RABEP2: variants seen among roughly 807,000 people sequenced by gnomAD.
The protein encoded by RABEP2 is rab GTPase-binding effector protein 2.
Under a neutral mutation model 74.1 loss-of-function variants are expected in RABEP2, and 57 were observed. That is an observed-to-expected ratio of 0.77 (90% confidence interval 0.62 to 0.96). The LOEUF (loss-of-function observed/expected upper bound fraction) is 0.96. RABEP2 is among the 40% of genes least tolerant of loss of function. The pLI is 0.00. For missense variants in RABEP2, 692 were observed against 756.3 expected, an observed-to-expected ratio of 0.91 and a Z score of 1.00; for synonymous variants, 351 against 344.0, an observed-to-expected ratio of 1.02 and a Z score of -0.23.
At chr16:28,916,442 C>T (rs1255437895) in intron 3 of RABEP2, among the ~76,000 whole-genome samples, 3 of 150,396 alleles carry the variant, frequency 2.0e-5, no homozygotes, top group African/African-American at 4.9e-5. Context: ...GAGGCCAAGG[C>T]GGGCAGATCA....
Position 28,920,031 on chromosome 16 carries a change from CTCTT to C in RABEP2, c.275-92_275-89del. On this transcript the variant is annotated intron_variant, in intron 2 of 12. Transcript: ENST00000358201. ...GAGCAGGGGACTCTTGATGCACTGACTCTTTCTGTGAGACAATCTACCATAGCAG... is the reference window on the plus strand; with the variant it reads ...GAGCAGGGGACTCTTGATGCACTGACTCTGTGAGACAATCTACCATAGCAG... The C allele has an allele frequency of 5.1e-6, 7 of 1,376,148 alleles. No homozygotes were observed. In the South Asian group the frequency reaches 9.1e-5, roughly 18 times the overall value. 85.2% of individuals were successfully genotyped at this position (1,376,148 alleles called of 1,614,324 possible). A position where few individuals can be genotyped will look rare whatever the true frequency, so the allele number is the denominator to read the frequency against.
chr16:28,913,668 G>C (rs904741887), intron 5 of RABEP2, among the ~76,000 whole-genome samples: 1 of 151,564 alleles, frequency 6.6e-6, no homozygotes, highest in African/African-American at 2.4e-5. Flanking sequence ...TTTTAGATGG[G>C]GTTTCACCAT....
chr16:28,914,093 T>A (rs1964350837), intron 5 of RABEP2, 143 bp downstream of exon 5: 2 of 682,654 alleles, frequency 2.9e-6, no homozygotes, highest in African/African-American at 3.6e-5. Context: ...TGTTTACATC[T>A]GCCTGCCTTC....
chr16:28,919,938 T>C lies in RABEP2; in HGVS notation c.280A>G (p.Ile94Val), dbSNP rs1964447107. Residue 94 changes from isoleucine to valine, a missense_variant, in exon 3 of 13, where the codon ATC becomes GTC. Physicochemically the swap from Ile to Val is conservative, Grantham distance 29 (BLOSUM62 3). Transcript: ENST00000358201. The part of the protein sequence containing the change: ...ASLQAILKDS[I>V]SSYEAQITAL... ...GTGATCTGGGCTTCATAGCTGCTGATGGAGTCTGGTGGGGGAGAGGGAGGG... is the reference window on the plus strand; with the variant it reads ...GTGATCTGGGCTTCATAGCTGCTGACGGAGTCTGGTGGGGGAGAGGGAGGG... 5 of 1,211,388 alleles carry C rather than the reference T, an allele frequency of 4.1e-6. No homozygotes were observed. The highest frequency in any genetic ancestry group is 3.3e-5 in the African/African-American group (2 of 61,246). 75.0% of individuals were successfully genotyped at this position (1,211,388 alleles called of 1,614,324 possible).
At position 28,905,389 on chromosome 16, in the gene RABEP2, G is replaced by T; in HGVS notation, c.1608+8C>A. Reference sequence around the variant, plus strand: ...CAGCCAGCCTGGCGGGGCTGGGACAGGCCATACCTGCAGGGCCTGGGACAG... The same window carrying T: ...CAGCCAGCCTGGCGGGGCTGGGACATGCCATACCTGCAGGGCCTGGGACAG... On this transcript the variant is annotated splice_region_variant and intron_variant, in intron 12 of 12. Transcript: ENST00000358201. The T allele has an allele frequency of 6.3e-7, 1 of 1,598,188 alleles. No homozygotes were observed. Among genetic ancestry groups the T allele is most frequent in the Non-Finnish European group, 8.5e-7 (1 of 1,170,944 alleles).
At chr16:28,923,947 C>T (rs1303628935) in intron 2 of RABEP2, 16 of 158,538 alleles carry the variant, frequency 1.0e-4, no homozygotes, top group African/African-American at 3.9e-4. Context: ...GAACGTGGGG[C>T]GGAGGTGGGG....
At chr16:28,909,030 C>T (rs1567495797) in intron 7 of RABEP2, among the ~76,000 whole-genome samples, 1 of 149,744 alleles carries the variant, frequency 6.7e-6, no homozygotes, top group Admixed American at 6.7e-5. Context: ...TATACACATA[C>T]ACACACACAC....
intron 8 of RABEP2, among the ~76,000 whole-genome samples, chr16:28,907,867 T>G (rs897185543): frequency 5.9e-5 from 9 of 152,186 alleles, no homozygotes; most frequent in African/African-American, 1.9e-4. Flanking sequence ...TGGCGCGATT[T>G]CGGCTCACTG....
chr16:28,914,568 G>A lies in RABEP2; in HGVS notation c.562C>T (p.Pro188Ser), dbSNP rs546801470. 6.2e-7 allele frequency: 1 copy of A among 1,609,550 alleles called. No homozygotes were observed. Among genetic ancestry groups the A allele is most frequent in the East Asian group, 2.2e-5 (1 of 44,808 alleles). Residue 188 changes from proline (P) to serine (S), a missense_variant, in exon 5 of 13, where the codon CCT (proline) becomes TCT (serine). By Grantham distance (74) the Pro-to-Ser change is moderately conservative (BLOSUM62 -1). Transcript: ENST00000358201. ...QEIQRRPRHA[P>S]SLHGSTELLP... is the part of the protein sequence containing the mutation. ...AACTCCGTGGAGCCGTGCAGGGAAG[G>A]GGCATGCCGGGGACGTCTCTAGGGA...
rs1256545426 is a variant in RABEP2, at chr16:28,904,954, T to C, written c.1699A>G (p.Lys567Glu). 1.2e-6 allele frequency: 2 copies of C among 1,611,904 alleles called. No homozygotes were observed. The highest frequency in any genetic ancestry group is 2.2e-5 in the South Asian group (2 of 91,044). The change falls in exon 13 of 13, where the codon AAG becomes GAG. Residue 567 changes from lysine to glutamate, a missense_variant. Lys to Glu is a moderately conservative substitution (Grantham distance 56). Transcript: ENST00000358201. ...GATATCCTGACCCCTCAGGTGTCCT[T>C]GATGTCCCTGACGTCCGTGAGTGGC... ...EAPLTDVRDI[K>E]DT is the part of the protein sequence containing the mutation.
chr16:28,921,379 C>T (rs1477705517), intron 2 of RABEP2, among the ~76,000 whole-genome samples: 1 of 151,856 alleles, frequency 6.6e-6, no homozygotes, highest in Non-Finnish European at 1.5e-5. Flanking sequence ...ACTCTGCCTG[C>T]CTGGCCAGGC....
intron 5 of RABEP2, among the ~76,000 whole-genome samples, chr16:28,911,628 CGT>C (rs1964315252): frequency 6.9e-6 from 1 of 144,428 alleles, no homozygotes; most frequent in Non-Finnish European, 1.5e-5. Context: ...CAGAGGTTGC[CGT>C]GAGTGAGATT....
At chr16:28,918,586 G>T (rs1208761354) in intron 3 of RABEP2, among the ~76,000 whole-genome samples, 2 of 151,960 alleles carry the variant, frequency 1.3e-5, no homozygotes, top group African/African-American at 4.8e-5. Context: ...CTGTACTCCA[G>T]CCTGGGTGAC....
At position 28,924,395 on chromosome 16, in the gene RABEP2, C is replaced by CGTCT. The variant is rs1204658189; in HGVS notation, c.274+4_274+7dup. Reference sequence around the variant, plus strand: ...TGATGGGGAGTCTAGGTGAGTCCCGCGTCTCACCTTTCAGGATGGCCTGCA... The same window carrying CGTCT: ...TGATGGGGAGTCTAGGTGAGTCCCGCGTCTGTCTCACCTTTCAGGATGGCCTGCA... On this transcript the variant is annotated splice_region_variant and intron_variant, in intron 2 of 12. Transcript: ENST00000358201. 3 of 1,607,490 alleles carry CGTCT rather than the reference C, an allele frequency of 1.9e-6. No individual in the cohort carries two copies. In the African/African-American group the frequency reaches 4.0e-5, roughly 21 times the overall value.
Position 28,924,619 on chromosome 16 carries a change from TG to T in RABEP2, c.62-5del. On this transcript the variant is annotated splice_polypyrimidine_tract_variant and splice_region_variant and intron_variant, in intron 1 of 12. Transcript: ENST00000358201. ...TGGGACCGGGAGTCCTCCAGTGCTG[TG>T]GGGGACAGGGATCAGCCTCTCTTCC... The T allele has an allele frequency of 6.2e-7, 1 of 1,607,878 alleles. No homozygotes were observed.
Position 28,919,846 on chromosome 16 carries a change from G to A in RABEP2, c.372C>T (p.Arg124=), listed in dbSNP as rs745980757. The A allele has an allele frequency of 1.7e-5, 28 of 1,611,860 alleles. No homozygotes were observed. In the South Asian group the frequency reaches 2.9e-4, roughly 16 times the overall value. The change falls in exon 3 of 13, where the codon CGC becomes CGT. Residue 124 remains arginine (R), a synonymous_variant. Transcript: ENST00000358201. ...AGGCCCGGGACAGCAGCTGCTTCAG[G>A]CGGCCCAGCTCCCGCTCCTTCTCCT... The part of the protein sequence containing the change: ...DCEEKERELG[R]LKQLLSRAYP...
Position 28,905,623 on chromosome 16 carries a change from C to G in RABEP2, c.1491+81G>C, listed in dbSNP as rs759983091. The stretch of plus-strand genomic sequence containing the variant: ...CTTCCTCCACCTGGCCTGAGGGAGA[C>G]ACAGAGGGCGGGAGGGGTGGGGGAG... On this transcript the variant is annotated intron_variant, in intron 11 of 12. Transcript: ENST00000358201. 6 of 1,508,842 alleles carry G rather than the reference C, an allele frequency of 4.0e-6. No homozygotes were observed. In the South Asian group the frequency reaches 7.1e-5, roughly 18 times the overall value. The allele number at this position is 1,508,842 out of a possible 1,614,324, so 93.5% of individuals were successfully genotyped here.
chr16:28,914,711 C>T lies in RABEP2; in HGVS notation c.504G>A (p.Ala168=), dbSNP rs189273827. 3.1e-6 allele frequency: 5 copies of T among 1,614,082 alleles called. No homozygotes were observed. Among genetic ancestry groups the T allele is most frequent in the Admixed American group, 3.3e-5 (2 of 60,006 alleles). The change falls in exon 4 of 13, where the codon GCG becomes GCA. Residue 168 remains alanine, a synonymous_variant. Transcript: ENST00000358201. The part of the protein sequence containing the change: ...PMEKEIEELK[A]KLLRAEELIQ... ...TCAGCTCCTCGGCCCTCAGCAGCTTCGCCTTCAGCTCCTCGATCTCCTTTT... is the reference window on the plus strand; with the variant it reads ...TCAGCTCCTCGGCCCTCAGCAGCTTTGCCTTCAGCTCCTCGATCTCCTTTT...
In RABEP2 at chr16:28,914,242, C is replaced by G; in HGVS notation, c.888G>C (p.Gln296His). ...CCCTGCCCACAACACTCACCTCTGT[C>G]TGCAGCTGCTCCCACTGAGTGTCTG... Reference protein sequence around the residue: ...LVPDTQWEQLQTEGRQLQKDL... With the variant: ...LVPDTQWEQLHTEGRQLQKDL... The change falls in exon 5 of 13, where the codon CAG becomes CAC. Residue 296 changes from glutamine (Q) to histidine (H), a missense_variant. Physicochemically the swap from Gln to His is conservative, Grantham distance 24. Coordinates refer to ENST00000358201, the MANE Select transcript of RABEP2 (RefSeq NM_024816.3). 6.3e-7 allele frequency: 1 copy of G among 1,598,036 alleles called. No homozygotes were observed. Among genetic ancestry groups the G allele is most frequent in the Non-Finnish European group, 8.5e-7 (1 of 1,172,950 alleles).
Sources: allele counts gnomAD v4.1 joint callset (sites outside exome capture counted in the v4.1 genomes callset), GRCh38; gene constraint gnomAD v4.1.1; transcripts MANE v1.5; gene names NCBI Gene and HGNC (gene_info 2026-07-23, HGNC 2026-07-21).